NEK10: variants seen among roughly 807,000 people sequenced by gnomAD.
NEK10 encodes NIMA related kinase 10.
NEK10 carries 122 observed loss-of-function variants against 159.8 expected under a neutral mutation model. The ratio of observed to expected loss-of-function variants is 0.76; its 90% confidence interval spans 0.66 to 0.89. The LOEUF (loss-of-function observed/expected upper bound fraction) is 0.89, where lower values mean the gene tolerates loss of function less well. Among genes scored for constraint, NEK10 ranks in the 40% least tolerant of loss-of-function variants. NEK10 has a pLI of 0.00. For synonymous variants in NEK10, 466 were observed against 457.1 expected (o/e 1.02, Z -0.25); for missense variants, 1,342 against 1,323.1 (o/e 1.01, Z -0.22).
intron 5 of NEK10, among the ~76,000 whole-genome samples, chr3:27,340,496 A>C (rs2047127131): frequency 6.6e-6 from 1 of 152,154 alleles, no homozygotes; most frequent in Non-Finnish European, 1.5e-5. Flanking sequence ...GCACGTTCTG[A>C]ACATGTATAC....
At chr3:27,264,972 G>T (rs1273575856) in intron 22 of NEK10, among the ~76,000 whole-genome samples, 1 of 151,848 alleles carries the variant, frequency 6.6e-6, no homozygotes, top group Non-Finnish European at 1.5e-5. Context: ...TAGTTCACCA[G>T]ATCAGTACAT....
Position 27,162,692 on chromosome 3 carries a change from C to T in NEK10, c.2869+9G>A. ...GTGTTTGATTTTATTGCTACCAACA[C>T]TAAGTTACCTGGTCTTGGTCTTGAT... On this transcript the variant is annotated intron_variant, in intron 30 of 35. Coordinates refer to ENST00000691995, the MANE Select transcript of NEK10 (RefSeq NM_001394966.1). 6.2e-7 allele frequency: 1 copy of T among 1,614,054 alleles called. No individual in the cohort carries two copies. The highest frequency in any genetic ancestry group is 8.5e-7 in the Non-Finnish European group (1 of 1,179,958).
intron 3 of NEK10, among the ~76,000 whole-genome samples, chr3:27,349,586 C>T (rs1044721502): frequency 6.6e-6 from 1 of 152,132 alleles, no homozygotes; most frequent in Non-Finnish European, 1.5e-5. Flanking sequence ...AATTAATAAG[C>T]CCATAACAAA....
At chr3:27,297,116 A>G (rs893316389) in intron 14 of NEK10, 63 bp downstream of exon 14, 4 of 1,012,016 alleles carry the variant, frequency 4.0e-6, no homozygotes, top group Non-Finnish European at 6.3e-6. Flanking sequence ...TACAGACTGC[A>G]CCACAAGGTG....
At chr3:27,120,182 T>C (rs529643961) in intron 32 of NEK10, among the ~76,000 whole-genome samples, 10 of 152,302 alleles carry the variant, frequency 6.6e-5, no homozygotes, top group African/African-American at 2.4e-4. Flanking sequence ...ATCAAGATGT[T>C]ATTTTTATCA....
intron 23 of NEK10, chr3:27,206,525 A>G (rs1950559667): frequency 1.1e-6 from 1 of 915,212 alleles, no homozygotes; most frequent in African/African-American, 1.8e-5. Context: ...ATGACCCTTC[A>G]GTGGCTTCCT....
In NEK10 at chr3:27,267,039, C is replaced by T. The variant is rs181111764; in HGVS notation, c.2015-10668G>A. Among the ~76,000 whole-genome samples the T allele has an allele frequency of 1.9e-3, 286 of 152,286 alleles. 2 individuals are homozygous for T. The highest frequency in any genetic ancestry group is 3.2e-3 in the Non-Finnish European group (216 of 68,024). ...CAGGTAGATTCCCAGTAACTTCTACCGGCATTCTAGCCAGGCTCAGTCTAG... is the reference window on the plus strand; with the variant it reads ...CAGGTAGATTCCCAGTAACTTCTACTGGCATTCTAGCCAGGCTCAGTCTAG... On this transcript the variant is annotated intron_variant, in intron 22 of 35. Coordinates refer to ENST00000691995, the MANE Select transcript of NEK10 (RefSeq NM_001394966.1).
At chr3:27,357,828 T>C (rs1287170642) in intron 1 of NEK10, among the ~76,000 whole-genome samples, 2 of 152,140 alleles carry the variant, frequency 1.3e-5, no homozygotes, top group East Asian at 3.9e-4. Context: ...CTGAGGGGAC[T>C]AACCCAGAAA....
In NEK10 at chr3:27,274,330, A is replaced by G. The variant is rs1487346045; in HGVS notation, c.2014+10272T>C. On this transcript the variant is annotated intron_variant, in intron 22 of 35. Coordinates refer to ENST00000691995, the MANE Select transcript of NEK10 (RefSeq NM_001394966.1). ...GATAAAAGAATGCTTTCTGAATTCT[A>G]GGTAACTCCATATCTGTGGTACATA... is the stretch of plus-strand genomic sequence containing the variant. Among the ~76,000 whole-genome samples, 4 of 152,228 alleles carry G rather than the reference A, an allele frequency of 2.6e-5. No homozygotes were observed. The East Asian group carries it at 7.7e-4, about 29-fold the overall frequency.
chr3:27,260,543 A>G (rs1307296578), intron 22 of NEK10, among the ~76,000 whole-genome samples: 1 of 152,102 alleles, frequency 6.6e-6, no homozygotes, highest in Non-Finnish European at 1.5e-5. Flanking sequence ...CGTATGTTGA[A>G]CCAGCCTTGC....
chr3:27,256,286 T>C lies in NEK10; in HGVS notation c.2090+10A>G. On this transcript the variant is annotated intron_variant, in intron 23 of 35. Coordinates refer to ENST00000691995, the MANE Select transcript of NEK10 (RefSeq NM_001394966.1). ...ATGATGTTTGAGAGCCATAAAAGAA[T>C]TGTCCTTACCAAGAATACAGGATTG... 7.2e-7 allele frequency: 1 copy of C among 1,396,994 alleles called. No homozygotes were observed. Among genetic ancestry groups the C allele is most frequent in the South Asian group, 1.4e-5 (1 of 69,668 alleles). The allele number at this position is 1,396,994 out of a possible 1,614,324, so 86.5% of individuals were successfully genotyped here.
chr3:27,301,338 T>C (rs1358629005), intron 13 of NEK10, among the ~76,000 whole-genome samples: 1 of 152,182 alleles, frequency 6.6e-6, no homozygotes, highest in East Asian at 1.9e-4. Context: ...TTCCCCCTTA[T>C]GTAGGGTGCC....
intron 22 of NEK10, among the ~76,000 whole-genome samples, chr3:27,259,648 A>G (rs2040221488): frequency 6.6e-6 from 1 of 152,202 alleles, no homozygotes; most frequent in Non-Finnish European, 1.5e-5. Context: ...GAAGTCAGGT[A>G]GAGTGATGCC....
intron 22 of NEK10, among the ~76,000 whole-genome samples, chr3:27,267,454 A>AT (rs1163540655): frequency 6.6e-6 from 1 of 152,080 alleles, no homozygotes; most frequent in Admixed American, 6.6e-5. Context: ...TATGAGCACC[A>AT]TTTTTTCAAC....
At chr3:27,138,306 AG>A (rs1943427916) in intron 31 of NEK10, among the ~76,000 whole-genome samples, 2 of 152,158 alleles carry the variant, frequency 1.3e-5, no homozygotes, top group African/African-American at 4.8e-5. Flanking sequence ...AGTAAGTTCC[AG>A]GGCACAGTAC....
chr3:27,139,665 G>T (rs1288088664), intron 31 of NEK10, among the ~76,000 whole-genome samples: 2 of 152,168 alleles, frequency 1.3e-5, no homozygotes, highest in Non-Finnish European at 2.9e-5. Flanking sequence ...GCTGGAAGTA[G>T]TTTAACTGGT....
At position 27,169,161 on chromosome 3, in the gene NEK10, T is replaced by C. The variant is rs185852011; in HGVS notation, c.2831+2658A>G. The stretch of plus-strand genomic sequence containing the variant: ...CTGATTGGAAATTGTCATTTTAACA[T>C]AAAACTCACTTAATTGGGAGTACAT... On this transcript the variant is annotated intron_variant, in intron 29 of 35. Coordinates refer to ENST00000691995, the MANE Select transcript of NEK10 (RefSeq NM_001394966.1). 2.0e-5 allele frequency among the ~76,000 whole-genome samples: 3 copies of C among 152,328 alleles called. No homozygotes were observed. In the East Asian group the frequency reaches 5.8e-4, roughly 29 times the overall value.
In NEK10 at chr3:27,187,425, T is replaced by C. The variant is rs562098307; in HGVS notation, c.2505+4604A>G. 3.9e-4 allele frequency among the ~76,000 whole-genome samples: 60 copies of C among 152,210 alleles called. No homozygotes were observed. In the Middle Eastern group the frequency reaches 0.017, roughly 43 times the overall value. On this transcript the variant is annotated intron_variant, in intron 26 of 35. Transcript: ENST00000691995. ...TTCAAAACAAAATGATATATAATTA[T>C]AGAAAATAAAGTTTCCATCTTGCAC...
intron 20 of NEK10, among the ~76,000 whole-genome samples, chr3:27,286,670 G>A (rs1185698262): frequency 6.6e-6 from 1 of 150,750 alleles, no homozygotes; most frequent in African/African-American, 2.4e-5. Context: ...GATCATAGGC[G>A]TGAGCCACCG....
Sources: allele counts gnomAD v4.1 joint callset (sites outside exome capture counted in the v4.1 genomes callset), GRCh38; gene constraint gnomAD v4.1.1; transcripts MANE v1.5; gene names NCBI Gene and HGNC (gene_info 2026-07-23, HGNC 2026-07-21).